The following CDH23 variants were observed in gnomAD, a reference collection of about 807,000 sequenced individuals.
The protein encoded by CDH23 is cadherin related 23.
CDH23 carries 189 observed loss-of-function variants against 317.1 expected under a neutral mutation model. The ratio of observed to expected loss-of-function variants is 0.60; its 90% CI spans 0.53 to 0.67. The LOEUF (loss-of-function observed/expected upper bound fraction) is 0.67. Ranked by LOEUF, CDH23 falls within the 30% of genes least tolerant of loss-of-function variation. The pLI is 0.00. For synonymous variants in CDH23, 1,839 were observed against 1,876.8 expected, an observed-to-expected ratio of 0.98 and a Z score of 0.52; for missense variants, 4,401 against 4,592.4, an observed-to-expected ratio of 0.96 and a Z score of 1.20.
chr10:71,808,301 T>G (rs1373998968), intron 60 of CDH23, among the ~76,000 whole-genome samples: 1 of 152,184 alleles, frequency 6.6e-6, no homozygotes, highest in African/African-American at 2.4e-5. Flanking sequence ...TGTCCATCTA[T>G]CCTTCCATCC....
intron 3 of CDH23, among the ~76,000 whole-genome samples, chr10:71,501,296 C>T (rs1402622958): frequency 6.6e-6 from 1 of 152,188 alleles, no homozygotes; most frequent in African/African-American, 2.4e-5. Flanking sequence ...GAGTCATGCC[C>T]AGGAAACAGA....
At chr10:71,797,794 G>A (rs59697568) in intron 49 of CDH23, among the ~76,000 whole-genome samples, 7,852 of 152,006 alleles carry the variant, frequency 0.052, 522 homozygotes, top group African/African-American at 0.16. Context: ...GGCTGCCAGA[G>A]GGGTGGATTT....
At chr10:71,477,718 G>T in intron 3 of CDH23, among the ~76,000 whole-genome samples, 1 of 152,128 alleles carries the variant, frequency 6.6e-6, no homozygotes, top group East Asian at 1.9e-4. Flanking sequence ...CCAACATTCA[G>T]TTCGTTGCCT....
At chr10:71,493,183 A>T (rs924437098) in intron 3 of CDH23, among the ~76,000 whole-genome samples, 1 of 152,132 alleles carries the variant, frequency 6.6e-6, no homozygotes, top group African/African-American at 2.4e-5. Flanking sequence ...TTGTGTACAT[A>T]TTTCAAGTTA....
chr10:71,806,141 CCT>C (rs773234129), intron 56 of CDH23, 25 bp from the exon 57 acceptor site: 4 of 1,545,892 alleles, frequency 2.6e-6, no homozygotes, highest in Non-Finnish European at 3.5e-6. Context: ...CCAGTCTTTT[CCT>C]CTGACTGTGC....
chr10:71,713,490 G>A (rs2132762896), intron 28 of CDH23: 1 of 565,284 alleles, frequency 1.8e-6, no homozygotes, highest in East Asian at 3.0e-5. Flanking sequence ...GGCTTGGGAG[G>A]GACAGAAGCG....
intron 6 of CDH23, among the ~76,000 whole-genome samples, chr10:71,549,156 C>T (rs1856447112): frequency 6.6e-6 from 1 of 152,262 alleles, no homozygotes; most frequent in Non-Finnish European, 1.5e-5. Context: ...AGCTAAAAGG[C>T]ATTCACCTCC....
In CDH23 at chr10:71,811,600, C is replaced by G. The variant is rs1326502966; in HGVS notation, c.9278+10C>G. 1 of 1,613,916 alleles carries G rather than the reference C, an allele frequency of 6.2e-7. No homozygotes were observed. Among genetic ancestry groups the G allele is most frequent in the South Asian group, 1.1e-5 (1 of 91,088 alleles). On this transcript the variant is annotated intron_variant, in intron 64 of 69. Coordinates refer to ENST00000224721, the MANE Select transcript of CDH23 (RefSeq NM_022124.6). ...GGTACTACAGGACTGTGTGAGTGTC[C>G]CCCACCCCTGCCATCAGGGGGCCGA...
Position 71,788,990 on chromosome 10 carries a change from C to G in CDH23, c.5871C>G (p.Pro1957=), listed in dbSNP as rs368122233. 540 of 1,606,686 alleles carry G rather than the reference C, an allele frequency of 3.4e-4. 2 individuals are homozygous for G. The African/African-American group carries it at 6.4e-3, about 19-fold the overall frequency. Residue 1957 remains proline (P), a synonymous_variant, in exon 45 of 70, where the codon CCC becomes CCG. Transcript: ENST00000224721. ...IFLSDENDNH[P]LFTKSTYQAE... is the part of the protein sequence containing the mutation. ...TTTCTGATGAGAATGACAACCACCC[C>G]CTCTTCACTAAAAGCACCTACCAGG... is the stretch of plus-strand genomic sequence containing the variant.
chr10:71,564,125 G>C (rs1857270641), intron 6 of CDH23, among the ~76,000 whole-genome samples: 2 of 152,208 alleles, frequency 1.3e-5, no homozygotes, highest in Admixed American at 6.5e-5. Context: ...GAGCCACCAA[G>C]TGTTACTCCC....
At chr10:71,449,831 C>T (rs2132032133) in intron 3 of CDH23, among the ~76,000 whole-genome samples, 1 of 152,338 alleles carries the variant, frequency 6.6e-6, no homozygotes, top group Admixed American at 6.5e-5. Context: ...AATGGGAGGG[C>T]ACAGCATGGC....
chr10:71,688,754 G>A (rs1183285969), intron 19 of CDH23, among the ~76,000 whole-genome samples: 17 of 102,140 alleles, frequency 1.7e-4, no homozygotes, highest in Non-Finnish European at 2.8e-4. Flanking sequence ...AGCCAGGGGT[G>A]GTGGAGCCAG....
At chr10:71,602,565 G>T (rs1183323546) in intron 9 of CDH23, among the ~76,000 whole-genome samples, 2 of 152,156 alleles carry the variant, frequency 1.3e-5, no homozygotes, top group Non-Finnish European at 2.9e-5. Flanking sequence ...TGGACCCTGG[G>T]CAGTAGGATT....
intron 24 of CDH23, among the ~76,000 whole-genome samples, chr10:71,704,328 G>A (rs904249308): frequency 6.6e-6 from 1 of 152,222 alleles, no homozygotes; most frequent in Non-Finnish European, 1.5e-5. Context: ...AGGACTGGAG[G>A]TGCAGATGAG....
At chr10:71,401,713 G>GTA (rs1847789893) in intron 1 of CDH23, among the ~76,000 whole-genome samples, 1 of 152,108 alleles carries the variant, frequency 6.6e-6, no homozygotes, top group Non-Finnish European at 1.5e-5. Flanking sequence ...CCATAGAGAA[G>GTA]GGGCAAAACC....
chr10:71,616,745 T>C (rs1476703683), intron 10 of CDH23, among the ~76,000 whole-genome samples: 1 of 152,236 alleles, frequency 6.6e-6, no homozygotes, highest in Admixed American at 6.5e-5. Flanking sequence ...TCAGTCCATC[T>C]GTGCTGACCC....
intron 6 of CDH23, chr10:71,511,743 TG>T (rs1854002213): frequency 6.3e-6 from 1 of 159,190 alleles, no homozygotes; most frequent in Non-Finnish European, 1.4e-5. Flanking sequence ...ATCAAGCCAT[TG>T]CTGGTAATTG....
In CDH23 at chr10:71,798,463, C is replaced by A. The variant is rs1309949813; in HGVS notation, c.6939C>A (p.Thr2313=). Residue 2313 remains threonine, a synonymous_variant, in exon 50 of 70, where the codon ACC becomes ACA. Coordinates refer to ENST00000224721, the MANE Select transcript of CDH23 (RefSeq NM_022124.6). ...ERILEGATPG[T]TLIAVAAVDP... ...TCCTGGAGGGGGCCACCCCTGGGAC[C>A]ACACTCATTGCTGTGGCAGCCGTGG... 6.8e-6 allele frequency: 11 copies of A among 1,613,986 alleles called. No homozygotes were observed. The highest frequency in any genetic ancestry group is 9.3e-6 in the Non-Finnish European group (11 of 1,179,862).
At position 71,620,769 on chromosome 10, in the gene CDH23, G is replaced by A. The variant is rs116388299; in HGVS notation, c.1134+3376G>A. Among the ~76,000 whole-genome samples, 1,466 of 152,300 alleles carry A rather than the reference G, an allele frequency of 9.6e-3. 32 individuals carry two copies. The highest frequency in any genetic ancestry group is 0.032 in the African/African-American group (1,317 of 41,552). On this transcript the variant is annotated intron_variant, in intron 11 of 69. Transcript: ENST00000224721. ...GAGGAGAGGCAGCCCAGGAGCCCAG[G>A]CCACCCAACCCTGAGGTCACCTTGG... is the stretch of plus-strand genomic sequence containing the variant.
Sources: allele counts gnomAD v4.1 joint callset (sites outside exome capture counted in the v4.1 genomes callset), GRCh38; gene constraint gnomAD v4.1.1; transcripts MANE v1.5; gene names NCBI Gene and HGNC (gene_info 2026-07-23, HGNC 2026-07-21).